Variants in SHROOM3 observed in about 807,000 individuals in gnomAD.
SHROOM3 encodes shroom family member 3.
SHROOM3 carries 47 observed loss-of-function variants against 138.6 expected under a neutral mutation model. That is an observed-to-expected ratio of 0.34 (90% CI 0.27 to 0.43). The LOEUF (loss-of-function observed/expected upper bound fraction) is 0.43, where lower values mean the gene tolerates loss of function less well. Ranked by LOEUF, SHROOM3 falls within the 20% of genes least tolerant of loss-of-function variation. The pLI, the probability that SHROOM3 is intolerant of heterozygous loss-of-function variation, is 1.00. For missense variants in SHROOM3, 2,491 were observed against 2,596.5 expected (o/e 0.96, Z 0.88); for synonymous variants, 1,062 against 1,063.3 (o/e 1.00, Z 0.02).
intron 2 of SHROOM3, among the ~76,000 whole-genome samples, chr4:76,659,831 C>G (rs2110092540): frequency 6.6e-6 from 1 of 152,340 alleles, no homozygotes; most frequent in East Asian, 1.9e-4. Context: ...ATCCACCCTT[C>G]TTGGCCTCCC....
chr4:76,742,152 C>G, intron 5 of SHROOM3: 2 of 626,942 alleles, frequency 3.2e-6, no homozygotes, highest in Non-Finnish European at 5.7e-6. Flanking sequence ...TATACAGATT[C>G]TCTATCTATC....
At chr4:76,742,042 A>G in intron 5 of SHROOM3, 116 bp downstream of exon 5, 1 of 1,360,536 alleles carries the variant, frequency 7.4e-7, no homozygotes, top group Non-Finnish European at 1.0e-6. Flanking sequence ...TTTCCTTGTG[A>G]TTACAGAAAA....
chr4:76,595,754 G>T (rs1364417816), intron 2 of SHROOM3, among the ~76,000 whole-genome samples: 2 of 152,172 alleles, frequency 1.3e-5, no homozygotes, highest in Non-Finnish European at 2.9e-5. Flanking sequence ...ATCATTATCT[G>T]ATCCTGCAAT....
At chr4:76,540,696 C>T (rs1005522345) in intron 1 of SHROOM3, among the ~76,000 whole-genome samples, 1 of 152,006 alleles carries the variant, frequency 6.6e-6, no homozygotes, top group Non-Finnish European at 1.5e-5. Context: ...AGTAGATGAT[C>T]AAATATTTAA....
chr4:76,500,832 A>C (rs1245104522), intron 1 of SHROOM3, among the ~76,000 whole-genome samples: 1 of 151,794 alleles, frequency 6.6e-6, no homozygotes, highest in Non-Finnish European at 1.5e-5. Flanking sequence ...TTTTGAGACA[A>C]GTGTCTCTCT....
At chr4:76,649,188 T>C (rs1735901284) in intron 2 of SHROOM3, among the ~76,000 whole-genome samples, 1 of 151,998 alleles carries the variant, frequency 6.6e-6, no homozygotes, top group African/African-American at 2.4e-5. Flanking sequence ...CACATTGACT[T>C]TGTTAGAATG....
intron 1 of SHROOM3, among the ~76,000 whole-genome samples, chr4:76,453,380 G>A (rs946152690): frequency 2.6e-5 from 4 of 151,886 alleles, no homozygotes; most frequent in African/African-American, 9.7e-5. Flanking sequence ...CTGGGCTCAA[G>A]TGATCCTCCT....
chr4:76,479,544 TGGAAAACACTCTTCA>T (rs1731561135), intron 1 of SHROOM3, among the ~76,000 whole-genome samples: 1 of 152,124 alleles, frequency 6.6e-6, no homozygotes, highest in Non-Finnish European at 1.5e-5. Context: ...GGAATCAAGT[TGGAAAACACTCTTCA>T]GGATATTATC....
chr4:76,457,982 G>C (rs1195489398), intron 1 of SHROOM3, among the ~76,000 whole-genome samples: 3 of 151,442 alleles, frequency 2.0e-5, no homozygotes, highest in East Asian at 1.9e-4. Flanking sequence ...TTTTAGTAGA[G>C]ACAGGGTTTC....
intron 2 of SHROOM3, among the ~76,000 whole-genome samples, chr4:76,611,028 AAGGTGAT>A: frequency 6.6e-6 from 1 of 152,162 alleles, no homozygotes; most frequent in Non-Finnish European, 1.5e-5. Context: ...GAAGAGTTCT[AAGGTGAT>A]TTTTTTCCCA....
At chr4:76,756,986 C>A in intron 8 of SHROOM3, 49 bp downstream of exon 8, 1 of 1,612,578 alleles carries the variant, frequency 6.2e-7, no homozygotes, top group South Asian at 1.1e-5. Flanking sequence ...ACACTCCTTC[C>A]ATGGGGATGA....
chr4:76,579,785 A>G (rs1734013282), intron 2 of SHROOM3, among the ~76,000 whole-genome samples: 1 of 152,374 alleles, frequency 6.6e-6, no homozygotes, highest in African/African-American at 2.4e-5. Context: ...TTGGCCAGTT[A>G]TCTTCTTCAT....
intron 2 of SHROOM3, among the ~76,000 whole-genome samples, chr4:76,674,096 A>G (rs1718959184): frequency 6.6e-6 from 1 of 151,292 alleles, no homozygotes; most frequent in South Asian, 2.1e-4. Context: ...CTGGTCTGAA[A>G]CTCCTGGCCT....
At chr4:76,697,884 T>TA (rs1196707486) in intron 2 of SHROOM3, among the ~76,000 whole-genome samples, 1 of 151,974 alleles carries the variant, frequency 6.6e-6, no homozygotes, top group African/African-American at 2.4e-5. Context: ...AGCAGGAACA[T>TA]ACAGGATGAG....
chr4:76,721,773 G>A (rs113906418), intron 3 of SHROOM3, among the ~76,000 whole-genome samples: 32 of 152,186 alleles, frequency 2.1e-4, no homozygotes, highest in Non-Finnish European at 1.2e-4. Context: ...ATGTTTGCCT[G>A]TATTTGCATA....
intron 1 of SHROOM3, among the ~76,000 whole-genome samples, chr4:76,538,965 T>C (rs1254799135): frequency 6.6e-6 from 1 of 152,206 alleles, no homozygotes; most frequent in Non-Finnish European, 1.5e-5. Context: ...TACACTAATA[T>C]AGTATATGGC....
rs1365479078 is a variant in SHROOM3, at chr4:76,542,807, G to A, written c.169-12802G>A. 3.3e-5 allele frequency among the ~76,000 whole-genome samples: 5 copies of A among 152,214 alleles called. No homozygotes were observed. In the East Asian group the frequency reaches 9.6e-4, roughly 29 times the overall value. ...GCAGTGATTTGTTACAGCAACCAGA[G>A]GAAACTAATACAGTGGTAAAGCTGA... On this transcript the variant is annotated intron_variant, in intron 1 of 10. Transcript: ENST00000296043.
intron 1 of SHROOM3, among the ~76,000 whole-genome samples, chr4:76,511,671 G>T (rs1732339289): frequency 6.6e-6 from 1 of 152,206 alleles, no homozygotes; most frequent in South Asian, 2.1e-4. Context: ...ATGGGGGCTT[G>T]GTAGTGCTCT....
At chr4:76,529,495 T>C (rs1289217195) in intron 1 of SHROOM3, among the ~76,000 whole-genome samples, 2 of 151,950 alleles carry the variant, frequency 1.3e-5, no homozygotes, top group African/African-American at 4.8e-5. Flanking sequence ...TTTTTGTGTA[T>C]ATATATATTT....
Sources: allele counts gnomAD v4.1 joint callset (sites outside exome capture counted in the v4.1 genomes callset), GRCh38; gene constraint gnomAD v4.1.1; transcripts MANE v1.5; gene names NCBI Gene and HGNC (gene_info 2026-07-23, HGNC 2026-07-21).